The following MAD1L1 variants were observed in gnomAD, a reference collection of about 807,000 sequenced individuals.
The protein encoded by MAD1L1 is mitotic spindle assembly checkpoint protein MAD1.
A neutral mutation model predicts 96.9 loss-of-function variants in MAD1L1; 95 were observed. That is an observed-to-expected ratio of 0.98 (90% confidence interval 0.83 to 1.16). The LOEUF is 1.16. MAD1L1 is among the 50% of genes most tolerant of loss of function. The probability of loss-of-function intolerance (pLI) is 0.00; values close to 1 mark genes in which losing one functional copy is unlikely to be tolerated. For synonymous variants in MAD1L1, 473 were observed against 396.6 expected, an observed-to-expected ratio of 1.19 and a Z score of -2.29; for missense variants, 1,007 against 954.4, an observed-to-expected ratio of 1.06 and a Z score of -0.73.
chr7:1,871,595 A>G (rs1785104677), intron 18 of MAD1L1, among the ~76,000 whole-genome samples: 1 of 126,280 alleles, frequency 7.9e-6, no homozygotes, highest in Admixed American at 8.4e-5. Context: ...CCACCGTAAC[A>G]CCTGCCACGC....
intron 10 of MAD1L1, among the ~76,000 whole-genome samples, chr7:2,206,698 A>T (rs1207831146): frequency 6.6e-6 from 1 of 152,248 alleles, no homozygotes; most frequent in African/African-American, 2.4e-5. Context: ...CGTGTCTTGA[A>T]ATTGGCCAGT....
At chr7:1,949,000 G>C (rs1421641223) in intron 16 of MAD1L1, among the ~76,000 whole-genome samples, 1 of 152,222 alleles carries the variant, frequency 6.6e-6, no homozygotes, top group Non-Finnish European at 1.5e-5. Context: ...CAGGATCCAG[G>C]AGGAAGGACA....
intron 17 of MAD1L1, among the ~76,000 whole-genome samples, chr7:1,903,019 A>G (rs1787353902): frequency 1.3e-5 from 2 of 151,464 alleles, no homozygotes; most frequent in South Asian, 4.2e-4. Context: ...TTGATGAAGC[A>G]CTGTTCCAGG....
chr7:2,081,732 G>T (rs551840644), intron 11 of MAD1L1, among the ~76,000 whole-genome samples: 1 of 152,258 alleles, frequency 6.6e-6, no homozygotes, highest in Non-Finnish European at 1.5e-5. Flanking sequence ...CCCGGCGGAG[G>T]GGGCAGGAGC....
intron 14 of MAD1L1, among the ~76,000 whole-genome samples, chr7:1,989,175 C>T (rs889017339): frequency 5.9e-5 from 9 of 152,186 alleles, no homozygotes; most frequent in African/African-American, 2.2e-4. Flanking sequence ...GTAACGCAAA[C>T]AAAGCCACGG....
At chr7:1,983,132 ACGCGCGCG>A (rs141111007) in intron 14 of MAD1L1, among the ~76,000 whole-genome samples, 2,460 of 144,818 alleles carry the variant, frequency 0.017, 31 homozygotes, top group Middle Eastern at 0.028. Context: ...ACACCCACAG[ACGCGCGCG>A]CGCGCGCGCG....
At chr7:2,003,015 C>T (rs553611507) in intron 13 of MAD1L1, among the ~76,000 whole-genome samples, 17 of 152,122 alleles carry the variant, frequency 1.1e-4, no homozygotes, top group African/African-American at 2.9e-4. Flanking sequence ...GGAGGAAGGG[C>T]GAGGCAGGGG....
chr7:2,016,181 C>T (rs1012379707), intron 12 of MAD1L1, among the ~76,000 whole-genome samples: 5 of 152,184 alleles, frequency 3.3e-5, no homozygotes, highest in Non-Finnish European at 7.3e-5. Flanking sequence ...ACCTCACAAA[C>T]CCGGGAAGCG....
chr7:1,865,119 G>A (rs746949452), intron 18 of MAD1L1, among the ~76,000 whole-genome samples: 4 of 152,172 alleles, frequency 2.6e-5, no homozygotes, highest in Non-Finnish European at 4.4e-5. Flanking sequence ...TCCAGAGCAG[G>A]TGACCAGGCC....
chr7:2,023,737 T>C (rs1478441110), intron 12 of MAD1L1, among the ~76,000 whole-genome samples: 1 of 152,026 alleles, frequency 6.6e-6, no homozygotes, highest in Non-Finnish European at 1.5e-5. Flanking sequence ...TCACCTGAGG[T>C]TGGGAGTTCA....
chr7:1,965,465 C>A (rs1780125282), intron 15 of MAD1L1, among the ~76,000 whole-genome samples: 1 of 152,222 alleles, frequency 6.6e-6, no homozygotes, highest in Non-Finnish European at 1.5e-5. Flanking sequence ...CTCTCGCATC[C>A]CCTGACCTCA....
At chr7:2,092,796 C>G (rs1447157532) in intron 11 of MAD1L1, among the ~76,000 whole-genome samples, 2 of 152,138 alleles carry the variant, frequency 1.3e-5, no homozygotes, top group Non-Finnish European at 2.9e-5. Context: ...TTTAACAAGG[C>G]AAATTTATCA....
At chr7:1,888,501 T>C (rs1786313905) in intron 18 of MAD1L1, among the ~76,000 whole-genome samples, 1 of 151,544 alleles carries the variant, frequency 6.6e-6, no homozygotes, top group African/African-American at 2.4e-5. Flanking sequence ...TGTATGTGGC[T>C]GCCTGTTCGT....
chr7:1,901,749 G>T (rs1053102293), intron 17 of MAD1L1, among the ~76,000 whole-genome samples: 1 of 152,178 alleles, frequency 6.6e-6, no homozygotes, highest in African/African-American at 2.4e-5. Context: ...CCGTAGGGAG[G>T]CCTTGAGCCC....
At chr7:1,954,526 G>C (rs1188778589) in intron 16 of MAD1L1, among the ~76,000 whole-genome samples, 1 of 152,196 alleles carries the variant, frequency 6.6e-6, no homozygotes. Context: ...TGGGGCAGGA[G>C]GCCGTGGCTG....
intron 17 of MAD1L1, among the ~76,000 whole-genome samples, chr7:1,917,082 C>T (rs1433934371): frequency 2.0e-5 from 3 of 152,210 alleles, no homozygotes; most frequent in South Asian, 2.1e-4. Flanking sequence ...GCCCACAGCT[C>T]GAGGTTGGTT....
chr7:2,152,239 C>G (rs775050872), intron 10 of MAD1L1, among the ~76,000 whole-genome samples: 1 of 152,182 alleles, frequency 6.6e-6, no homozygotes, highest in Admixed American at 6.5e-5. Flanking sequence ...AGATCCCTGC[C>G]GGCTCTCAGT....
At chr7:1,887,633 G>A (rs546508436) in intron 18 of MAD1L1, among the ~76,000 whole-genome samples, 2 of 151,294 alleles carry the variant, frequency 1.3e-5, no homozygotes, top group South Asian at 4.2e-4. Flanking sequence ...GGGCATGTGT[G>A]TGCATGCATG....
intron 10 of MAD1L1, among the ~76,000 whole-genome samples, chr7:2,168,669 T>C (rs200898345): frequency 6.6e-6 from 1 of 152,102 alleles, no homozygotes; most frequent in Non-Finnish European, 1.5e-5. Context: ...ATGTGGCTGG[T>C]GTGGGTGAAC....
Sources: allele counts gnomAD v4.1 joint callset (sites outside exome capture counted in the v4.1 genomes callset), GRCh38; gene constraint gnomAD v4.1.1; transcripts MANE v1.5; gene names NCBI Gene and HGNC (gene_info 2026-07-23, HGNC 2026-07-21).